The following ATP10B variants were observed in gnomAD, a reference collection of about 807,000 sequenced individuals.
ATP10B encodes the protein phospholipid-transporting ATPase VB.
A neutral mutation model predicts 141.2 loss-of-function variants in ATP10B; 122 were observed. The ratio of observed to expected loss-of-function variants is 0.86; its 90% CI spans 0.75 to 1.00. The LOEUF (loss-of-function observed/expected upper bound fraction) is 1.00. Among genes scored for constraint, ATP10B ranks in the 50% least tolerant of loss-of-function variants. The pLI is 0.00. For synonymous variants in ATP10B, 685 were observed against 692.0 expected (o/e 0.99, Z 0.16); for missense variants, 1,876 against 1,825.3 (o/e 1.03, Z -0.51).
intron 7 of ATP10B, among the ~76,000 whole-genome samples, chr5:160,669,536 G>T (rs1036519438): frequency 6.6e-6 from 1 of 151,710 alleles, no homozygotes; most frequent in African/African-American, 2.4e-5. Flanking sequence ...TTTATGAAAG[G>T]GTGGGGATTA....
chr5:160,663,452 T>C (rs1055542682), intron 7 of ATP10B, among the ~76,000 whole-genome samples: 2 of 152,130 alleles, frequency 1.3e-5, no homozygotes, highest in African/African-American at 2.4e-5. Context: ...TGGAATACTA[T>C]GCAGCCATAA....
chr5:160,781,064 T>C (rs572332306), intron 2 of ATP10B, among the ~76,000 whole-genome samples: 2 of 152,308 alleles, frequency 1.3e-5, no homozygotes, highest in Non-Finnish European at 2.9e-5. Flanking sequence ...ATTTAAATAA[T>C]GTACTCTTAG....
At position 160,592,975 on chromosome 5, in the gene ATP10B, C is replaced by A. The variant is rs543890742; in HGVS notation, c.3565-1836G>T. On this transcript the variant is annotated intron_variant, in intron 22 of 25. Transcript: ENST00000327245. ...GCCTGCCTGCCTCTGTAGGCTCCAC[C>A]TCTGGGGGCAGGCCACAGATGAACA... Among the ~76,000 whole-genome samples the A allele has an allele frequency of 2.0e-5, 3 of 152,362 alleles. No individual in the cohort carries two copies. The East Asian group carries it at 5.8e-4, about 29-fold the overall frequency.
chr5:160,817,295 T>A (rs563333005), intron 1 of ATP10B, among the ~76,000 whole-genome samples: 1 of 152,258 alleles, frequency 6.6e-6, no homozygotes, highest in Non-Finnish European at 1.5e-5. Flanking sequence ...GATAGGCAAC[T>A]TCAACAGTCT....
chr5:160,636,724 C>T (rs1561678224), intron 10 of ATP10B, among the ~76,000 whole-genome samples: 1 of 152,074 alleles, frequency 6.6e-6, no homozygotes, highest in Non-Finnish European at 1.5e-5. Flanking sequence ...TAATGCCCAT[C>T]TACCCATCCA....
chr5:160,574,787 G>A (rs1755086562), intron 24 of ATP10B, among the ~76,000 whole-genome samples: 1 of 142,322 alleles, frequency 7.0e-6, no homozygotes, highest in South Asian at 2.3e-4. Flanking sequence ...GCCTTGTGAG[G>A]ACACAGCATT....
At chr5:160,584,679 T>C (rs536565676) in intron 24 of ATP10B, among the ~76,000 whole-genome samples, 36 of 152,256 alleles carry the variant, frequency 2.4e-4, no homozygotes, top group Non-Finnish European at 1.0e-4. Flanking sequence ...ATAAATTACC[T>C]ACCTATTGAA....
intron 3 of ATP10B, among the ~76,000 whole-genome samples, chr5:160,714,805 CT>C (rs1765495357): frequency 6.9e-6 from 1 of 143,954 alleles, no homozygotes; most frequent in South Asian, 2.3e-4. Context: ...TGTAGATGTC[CT>C]TTCCGGTTGT....
At chr5:160,715,287 T>A (rs1434897857) in intron 3 of ATP10B, among the ~76,000 whole-genome samples, 2 of 128,342 alleles carry the variant, frequency 1.6e-5, no homozygotes, top group African/African-American at 5.9e-5. Context: ...CGTAGAACCC[T>A]CTGAGCCAGG....
chr5:160,673,778 T>A (rs1399355000), intron 6 of ATP10B, among the ~76,000 whole-genome samples: 1 of 152,206 alleles, frequency 6.6e-6, no homozygotes, highest in Non-Finnish European at 1.5e-5. Flanking sequence ...GGGGATAATA[T>A]TTTTCCTTCT....
At chr5:160,708,978 T>C (rs924153311) in intron 3 of ATP10B, among the ~76,000 whole-genome samples, 7 of 152,176 alleles carry the variant, frequency 4.6e-5, no homozygotes, top group Non-Finnish European at 7.3e-5. Flanking sequence ...CGTGTAGATA[T>C]GCGAGCTAGT....
chr5:160,644,025 T>C (rs922627529), intron 9 of ATP10B, 113 bp downstream of exon 9: 1 of 828,128 alleles, frequency 1.2e-6, no homozygotes, highest in Non-Finnish European at 2.0e-6. Flanking sequence ...GGAAGTTACA[T>C]GAGTAAATGG....
At chr5:160,773,043 A>C (rs188284679) in intron 2 of ATP10B, among the ~76,000 whole-genome samples, 8 of 144,432 alleles carry the variant, frequency 5.5e-5, no homozygotes, top group Non-Finnish European at 1.1e-4. Flanking sequence ...GACGGAAATC[A>C]GGAACACCAA....
rs1415027393 is a variant in ATP10B, at chr5:160,612,782, T to C, written c.2797A>G (p.Asn933Asp). 6.2e-7 allele frequency: 1 copy of C among 1,614,058 alleles called. No homozygotes were observed. Among genetic ancestry groups the C allele is most frequent in the South Asian group, 1.1e-5 (1 of 91,068 alleles). Residue 933 changes from asparagine (N) to aspartate (D), a missense_variant, in exon 18 of 26, where the codon AAT becomes GAT. Asn to Asp is a conservative substitution (Grantham distance 23). Coordinates refer to ENST00000327245, the MANE Select transcript of ATP10B (RefSeq NM_025153.3). ...ATGGTATAAACAGTGTCGGTCTGATTTAACAGTCTGCAGGAATGGGCAATG... is the reference window on the plus strand; with the variant it reads ...ATGGTATAAACAGTGTCGGTCTGATCTAACAGTCTGCAGGAATGGGCAATG... Reference protein sequence around the residue: ...VNIAHSCRLLNQTDTVYTINT... With the variant: ...VNIAHSCRLLDQTDTVYTINT...
intron 1 of ATP10B, among the ~76,000 whole-genome samples, chr5:160,788,387 G>T (rs187130123): frequency 3.3e-5 from 5 of 152,172 alleles, no homozygotes; most frequent in East Asian, 3.9e-4. Flanking sequence ...ATATTCTTCC[G>T]TTGGGGTTGC....
intron 2 of ATP10B, among the ~76,000 whole-genome samples, chr5:160,748,907 G>T (rs1272107987): frequency 1.3e-5 from 2 of 152,044 alleles, no homozygotes; most frequent in Non-Finnish European, 2.9e-5. Flanking sequence ...GCCTACTCTG[G>T]GCTAGGCCCT....
intron 2 of ATP10B, among the ~76,000 whole-genome samples, chr5:160,738,680 T>C (rs1009035656): frequency 3.9e-5 from 6 of 151,966 alleles, no homozygotes; most frequent in African/African-American, 1.4e-4. Flanking sequence ...CAAAACAGAC[T>C]GAAGAAGAAA....
chr5:160,782,765 T>A (rs1160023595), intron 2 of ATP10B, among the ~76,000 whole-genome samples: 1 of 151,846 alleles, frequency 6.6e-6, no homozygotes, highest in South Asian at 2.1e-4. Context: ...GGTGCAATAC[T>A]AATCAATGGC....
At chr5:160,589,761 G>A in intron 23 of ATP10B, 65 bp from the exon 24 acceptor site, 1 of 1,232,548 alleles carries the variant, frequency 8.1e-7, no homozygotes, top group Non-Finnish European at 1.2e-6. Flanking sequence ...CTTTGACACA[G>A]TGATTATAAA....
Sources: gnomAD v4.1 joint callset for allele counts (sites outside exome capture counted in the v4.1 genomes callset) on GRCh38, gnomAD v4.1.1 for gene constraint, MANE v1.5 for transcripts, NCBI Gene and HGNC (gene_info 2026-07-23, HGNC 2026-07-21) for gene names.